The following GNAQ variants were observed in gnomAD, a reference collection of about 807,000 sequenced individuals.
The protein encoded by GNAQ is G protein subunit alpha q.
In GNAQ, 8 loss-of-function variants were observed where a neutral mutation model predicts 43.9. That is an observed-to-expected ratio of 0.18 (90% CI 0.11 to 0.33). GNAQ has a LOEUF of 0.33. Among genes scored for constraint, GNAQ ranks in the 10% least tolerant of loss-of-function variants. The probability of loss-of-function intolerance (pLI) is 1.00; values close to 1 mark genes in which losing one functional copy is unlikely to be tolerated. For synonymous variants in GNAQ, 155 were observed against 170.7 expected (o/e 0.91, Z 0.71); for missense variants, 158 against 450.8 (o/e 0.35, Z 5.88).
intron 1 of GNAQ, among the ~76,000 whole-genome samples, chr9:78,009,750 G>T (rs773791573): frequency 6.6e-6 from 1 of 152,100 alleles, no homozygotes; most frequent in Non-Finnish European, 1.5e-5. Context: ...AAGTTTAAAT[G>T]AATCTGATCT....
chr9:77,859,496 C>T (rs78035731), intron 2 of GNAQ, among the ~76,000 whole-genome samples: 2,530 of 152,192 alleles, frequency 0.017, 68 homozygotes, highest in African/African-American at 0.058. Context: ...AGTATGAAAC[C>T]TGAAAATATG....
chr9:77,959,542 C>A (rs1036322032), intron 1 of GNAQ, among the ~76,000 whole-genome samples: 2 of 152,108 alleles, frequency 1.3e-5, no homozygotes, highest in African/African-American at 2.4e-5. Context: ...CTATCATTTG[C>A]AAATTTCAAT....
intron 2 of GNAQ, among the ~76,000 whole-genome samples, chr9:77,870,309 CT>C (rs1349249602): frequency 2.1e-5 from 3 of 145,682 alleles, no homozygotes; most frequent in African/African-American, 7.6e-5. Context: ...AGCTTGATGC[CT>C]TTTTTTGGTG....
chr9:77,957,663 G>A (rs1226876254), intron 1 of GNAQ, among the ~76,000 whole-genome samples: 1 of 152,174 alleles, frequency 6.6e-6, no homozygotes, highest in African/African-American at 2.4e-5. Flanking sequence ...TCTGCAAGCT[G>A]AAGGAGGAGG....
chr9:77,845,978 G>C (rs1827578236), intron 2 of GNAQ, among the ~76,000 whole-genome samples: 2 of 152,324 alleles, frequency 1.3e-5, no homozygotes, highest in South Asian at 4.1e-4. Context: ...GTCAGAGGTA[G>C]GCCAGGAGGC....
At chr9:77,803,704 G>A (rs1826782923) in intron 3 of GNAQ, among the ~76,000 whole-genome samples, 1 of 152,194 alleles carries the variant, frequency 6.6e-6, no homozygotes, top group Admixed American at 6.5e-5. Context: ...ATAAAAACAA[G>A]AATGGTGAGA....
At chr9:77,954,428 G>C (rs1823017694) in intron 1 of GNAQ, among the ~76,000 whole-genome samples, 1 of 152,178 alleles carries the variant, frequency 6.6e-6, no homozygotes, top group African/African-American at 2.4e-5. Flanking sequence ...GAAGAACTGA[G>C]AGCACTACAA....
At chr9:77,767,743 GT>G (rs1389522965) in intron 5 of GNAQ, among the ~76,000 whole-genome samples, 1 of 152,126 alleles carries the variant, frequency 6.6e-6, no homozygotes, top group Non-Finnish European at 1.5e-5. Context: ...GTCTGTCTTC[GT>G]AGGATTTTAT....
chr9:78,031,050 A>T (rs761470132), intron 1 of GNAQ, 50 bp downstream of exon 1: 5 of 1,335,294 alleles, frequency 3.7e-6, no homozygotes, highest in Non-Finnish European at 4.9e-6. Context: ...AGGGCCAAGG[A>T]TGGTGGGCTG....
chr9:78,027,707 C>T (rs116818293), intron 1 of GNAQ, among the ~76,000 whole-genome samples: 10,189 of 148,192 alleles, frequency 0.069, 414 homozygotes, highest in African/African-American at 0.097. Context: ...AGTGAGGTCG[C>T]GCCATTGCAC....
chr9:77,845,623 T>C (rs747609973), intron 2 of GNAQ, among the ~76,000 whole-genome samples: 9 of 152,220 alleles, frequency 5.9e-5, no homozygotes, highest in Non-Finnish European at 1.2e-4. Context: ...CTTGTATCTA[T>C]CCTTCCTCAG....
At chr9:77,821,852 G>A (rs1827122488) in intron 2 of GNAQ, among the ~76,000 whole-genome samples, 1 of 152,006 alleles carries the variant, frequency 6.6e-6, no homozygotes, top group African/African-American at 2.4e-5. Flanking sequence ...ATTGAAAAGA[G>A]AGATTAAAGA....
At chr9:77,977,109 T>C (rs1823312615) in intron 1 of GNAQ, among the ~76,000 whole-genome samples, 1 of 152,164 alleles carries the variant, frequency 6.6e-6, no homozygotes, top group Admixed American at 6.5e-5. Context: ...AATGGGATTA[T>C]TTAGAAATTA....
At chr9:77,922,832 T>C (rs1041612861) in intron 1 of GNAQ, among the ~76,000 whole-genome samples, 2 of 152,072 alleles carry the variant, frequency 1.3e-5, no homozygotes, top group African/African-American at 4.8e-5. Flanking sequence ...ACACGCTCCC[T>C]ATTTTATTTT....
intron 1 of GNAQ, among the ~76,000 whole-genome samples, chr9:78,020,577 G>A (rs967847591): frequency 1.3e-5 from 2 of 152,144 alleles, no homozygotes; most frequent in African/African-American, 2.4e-5. Context: ...ATGAAAACAC[G>A]TGGTAGGATG....
chr9:77,890,342 T>C (rs1280971375), intron 2 of GNAQ, among the ~76,000 whole-genome samples: 1 of 152,174 alleles, frequency 6.6e-6, no homozygotes, highest in East Asian at 1.9e-4. Context: ...CTAAGAAAGC[T>C]TTAGTAGCAT....
chr9:77,725,382 C>T (rs953959792), intron 6 of GNAQ, among the ~76,000 whole-genome samples: 2 of 151,994 alleles, frequency 1.3e-5, no homozygotes, highest in Non-Finnish European at 2.9e-5. Context: ...ATTTATAATA[C>T]TATAAACATG....
At chr9:77,936,062 A>T (rs1829226981) in intron 1 of GNAQ, among the ~76,000 whole-genome samples, 1 of 152,234 alleles carries the variant, frequency 6.6e-6, no homozygotes, top group African/African-American at 2.4e-5. Context: ...ACTCCTTGAG[A>T]AAGTAAAGTT....
At position 77,716,732 on chromosome 9, in the gene GNAQ, T is replaced by C. The variant is rs756474913; in HGVS notation, c.*4591A>G. On this transcript the variant is annotated 3_prime_UTR_variant, in exon 7 of 7. Coordinates refer to ENST00000286548, the MANE Select transcript of GNAQ (RefSeq NM_002072.5). ...TTATCCAAGATCTGATTTTACCCAA[T>C]AGATGTTTTCATAACATGTAAATGT... is the stretch of plus-strand genomic sequence containing the variant. The C allele has an allele frequency of 3.9e-5, 9 of 232,814 alleles. No homozygotes were observed. Among genetic ancestry groups the C allele is most frequent in the Non-Finnish European group, 5.9e-5 (7 of 117,876 alleles). 14.4% of individuals were successfully genotyped at this position (232,814 alleles called of 1,614,324 possible).
Sources: allele counts gnomAD v4.1 joint callset (sites outside exome capture counted in the v4.1 genomes callset), GRCh38; gene constraint gnomAD v4.1.1; transcripts MANE v1.5; gene names NCBI Gene and HGNC (gene_info 2026-07-23, HGNC 2026-07-21).